Variants in BAG3 observed in about 807,000 individuals in gnomAD.
BAG3 encodes the protein BAG cochaperone 3.
A neutral mutation model predicts 40.5 loss-of-function variants in BAG3; 14 were observed. The observed-to-expected ratio is 0.35, with a 90% CI of 0.23 to 0.54. BAG3 has a LOEUF of 0.54. BAG3 is among the 20% of genes least tolerant of loss of function. BAG3 has a pLI of 0.91. For missense variants in BAG3, 788 were observed against 758.6 expected, an observed-to-expected ratio of 1.04 and a Z score of -0.46; for synonymous variants, 302 against 307.8, an observed-to-expected ratio of 0.98 and a Z score of 0.20.
chr10:119,661,295 A>G (rs989560166), intron 1 of BAG3, among the ~76,000 whole-genome samples: 1 of 151,744 alleles, frequency 6.6e-6, no homozygotes, highest in East Asian at 1.9e-4. Context: ...AAGAAACCCA[A>G]TTGTTTAGGG....
At chr10:119,656,387 T>TC (rs66720740) in intron 1 of BAG3, among the ~76,000 whole-genome samples, 1 of 150,654 alleles carries the variant, frequency 6.6e-6, no homozygotes, top group African/African-American at 2.4e-5. Context: ...TCTTTTTTTT[T>TC]TTTTTTTTTT....
Position 119,660,985 on chromosome 10 carries a change from C to T in BAG3, c.181-8866C>T, listed in dbSNP as rs376310227. Among the ~76,000 whole-genome samples the T allele has an allele frequency of 5.3e-5, 8 of 152,260 alleles. No individual in the cohort carries two copies. In the East Asian group the frequency reaches 1.2e-3, roughly 22 times the overall value. On this transcript the variant is annotated intron_variant, in intron 1 of 3. Coordinates refer to ENST00000369085, the MANE Select transcript of BAG3 (RefSeq NM_004281.4). ...GCACATGCCTGTAATCCCAGCTACT[C>T]AGGAGGCTGAGGCAGGAGAATCGCT...
chr10:119,658,301 A>C (rs1367579976), intron 1 of BAG3, among the ~76,000 whole-genome samples: 2 of 152,054 alleles, frequency 1.3e-5, no homozygotes, highest in African/African-American at 4.8e-5. Context: ...GTCAGTTCAG[A>C]CCCCCAGCAT....
chr10:119,657,389 G>C, intron 1 of BAG3: 1 of 357,146 alleles, frequency 2.8e-6, no homozygotes, highest in East Asian at 7.9e-5. Flanking sequence ...CTTTGTCTTG[G>C]GGTCACACCC....
At chr10:119,659,247 C>G (rs944889555) in intron 1 of BAG3, among the ~76,000 whole-genome samples, 1 of 152,224 alleles carries the variant, frequency 6.6e-6, no homozygotes, top group Non-Finnish European at 1.5e-5. Context: ...CCAAGATAGG[C>G]TGGGTCCTTG....
In BAG3 at chr10:119,665,092, TTGTGTG is replaced by T. The variant is rs1554876557; in HGVS notation, c.181-4729_181-4724del. Among the ~76,000 whole-genome samples the T allele has an allele frequency of 2.4e-3, 214 of 87,996 alleles. 4 individuals are homozygous for T. Among genetic ancestry groups the T allele is most frequent in the East Asian group, 2.1e-3 (8 of 3,830 alleles). 57.7% of individuals were successfully genotyped at this position (87,996 alleles called of 152,430 possible). On this transcript the variant is annotated intron_variant, in intron 1 of 3. Transcript: ENST00000369085. ...GCCACCACACACAGCTAATTTTTGT[TTGTGTG>T]TGTGTGTGTGTGTGTGTGTGTGTGT...
chr10:119,670,133 G>A lies in BAG3; in HGVS notation c.463G>A (p.Ala155Thr), dbSNP rs61756328. 4,984 of 1,612,584 alleles carry A rather than the reference G, an allele frequency of 3.1e-3. 23 individuals are homozygous for A. Among genetic ancestry groups the A allele is most frequent in the Non-Finnish European group, 3.3e-3 (3,949 of 1,179,342 alleles). ...TQPDKQCGQV[A>T]AAAAAQPPAS... ...GCCAGATAAACAGTGTGGACAGGTGGCAGCGGCGGCGGCAGCCCAGCCCCC... is the reference window on the plus strand; with the variant it reads ...GCCAGATAAACAGTGTGGACAGGTGACAGCGGCGGCGGCAGCCCAGCCCCC... The change falls in exon 2 of 4, where the codon GCA becomes ACA. Residue 155 changes from alanine to threonine, a missense_variant. Ala to Thr is a moderately conservative substitution (Grantham distance 58). Transcript: ENST00000369085.
intron 1 of BAG3, among the ~76,000 whole-genome samples, chr10:119,669,501 T>C (rs1310894383): frequency 6.6e-6 from 1 of 152,214 alleles, no homozygotes; most frequent in Non-Finnish European, 1.5e-5. Context: ...GCTCATCTTC[T>C]GATCCGGGTC....
At chr10:119,669,712 G>C (rs1258690085) in intron 1 of BAG3, 139 bp from the exon 2 acceptor site, 3 of 885,534 alleles carry the variant, frequency 3.4e-6, no homozygotes, top group Non-Finnish European at 5.4e-6. Context: ...GGAGGGTACA[G>C]GGGCTGGGAG....
intron 1 of BAG3, among the ~76,000 whole-genome samples, chr10:119,665,142 ATAT>A (rs1354624679): frequency 4.6e-5 from 4 of 87,826 alleles, no homozygotes; most frequent in Non-Finnish European, 6.6e-5. Context: ...ATATATATAT[ATAT>A]TTTTTTTTTT....
chr10:119,670,233 G>T (rs1382282312), intron 2 of BAG3, 56 bp downstream of exon 2: 1 of 1,551,922 alleles, frequency 6.4e-7, no homozygotes, highest in East Asian at 2.3e-5. Context: ...GTGCTTCCCA[G>T]GCCGGGCCCA....
chr10:119,662,226 G>GTTTT (rs869230141), intron 1 of BAG3, among the ~76,000 whole-genome samples: 1 of 84,058 alleles, frequency 1.2e-5, no homozygotes, highest in Admixed American at 1.4e-4. Context: ...TTTTTTTTTT[G>GTTTT]TTTTTTTTTT....
rs771609568 is a variant in BAG3 at position 119,651,746 on chromosome 10, C to G, written c.71C>G (p.Pro24Arg). ...AACGGTGACCGCGACCCTTTGCCCC[C>G]CGGATGGGAGATCAAGATCGACCCG... ...SGNGDRDPLP[P>R]GWEIKIDPQT... The change falls in exon 1 of 4, where the codon CCC (proline) becomes CGC (arginine). Residue 24 changes from proline to arginine, a missense_variant. By Grantham distance (103) the Pro-to-Arg change is moderately radical. Transcript: ENST00000369085. 20 of 1,599,912 alleles carry G rather than the reference C, an allele frequency of 1.3e-5. No individual in the cohort carries two copies. The highest frequency in any genetic ancestry group is 1.7e-5 in the Non-Finnish European group (20 of 1,173,800).
chr10:119,667,933 G>A (rs1444905376), intron 1 of BAG3, among the ~76,000 whole-genome samples: 2 of 152,256 alleles, frequency 1.3e-5, no homozygotes, highest in Non-Finnish European at 2.9e-5. Flanking sequence ...CCACAGGCAC[G>A]TTATGACTCA....
At chr10:119,662,956 A>C (rs1222079533) in intron 1 of BAG3, among the ~76,000 whole-genome samples, 1 of 152,184 alleles carries the variant, frequency 6.6e-6, no homozygotes, top group African/African-American at 2.4e-5. Context: ...CGGAGGTTGC[A>C]ATGAGCCGAG....
Position 119,676,561 on chromosome 10 carries a change from A to C in BAG3, c.1007A>C (p.His336Pro). 1.2e-6 allele frequency: 2 copies of C among 1,614,076 alleles called. No homozygotes were observed. The highest frequency in any genetic ancestry group is 1.7e-6 in the Non-Finnish European group (2 of 1,180,022). Reference protein sequence around the residue: ...GPVGPELPPGHIPIQVIRKEV... With the variant: ...GPVGPELPPGPIPIQVIRKEV... The stretch of plus-strand genomic sequence containing the variant: ...GTTGGACCAGAACTCCCTCCTGGAC[A>C]CATCCCAATTCAAGTGATCCGCAAA... The change falls in exon 4 of 4, where the codon CAC (histidine) becomes CCC (proline). Residue 336 changes from histidine (H) to proline (P), a missense_variant. By Grantham distance (77) the His-to-Pro change is moderately conservative. Transcript: ENST00000369085.
intron 2 of BAG3, among the ~76,000 whole-genome samples, chr10:119,671,765 G>A: frequency 6.6e-6 from 1 of 152,158 alleles, no homozygotes; most frequent in East Asian, 1.9e-4. Context: ...TTTGTTGTGT[G>A]TGTGTGTGTT....
chr10:119,675,778 TCCC>T (rs1847212345), intron 3 of BAG3, among the ~76,000 whole-genome samples: 33 of 61,466 alleles, frequency 5.4e-4, no homozygotes, highest in South Asian at 7.8e-4. Context: ...CCTCCTTCCC[TCCC>T]CCTCCCTTCC....
At chr10:119,666,150 C>T (rs1237945901) in intron 1 of BAG3, among the ~76,000 whole-genome samples, 4 of 152,204 alleles carry the variant, frequency 2.6e-5, no homozygotes, top group African/African-American at 9.7e-5. Context: ...TCCTCCCTGA[C>T]GTCCTTCTTC....
Sources: gnomAD v4.1 joint callset for allele counts (sites outside exome capture counted in the v4.1 genomes callset) on GRCh38, gnomAD v4.1.1 for gene constraint, MANE v1.5 for transcripts, NCBI Gene and HGNC (gene_info 2026-07-23, HGNC 2026-07-21) for gene names.